OAS3: variants seen among roughly 807,000 people sequenced by gnomAD.
The protein encoded by OAS3 is 2'-5'-oligoadenylate synthase 3.
In OAS3, 107 loss-of-function variants were observed where a neutral mutation model predicts 113.0. The observed-to-expected ratio is 0.95, with a 90% confidence interval of 0.81 to 1.11. The LOEUF (loss-of-function observed/expected upper bound fraction) is 1.11, where lower values mean the gene tolerates loss of function less well. Among genes scored for constraint, OAS3 ranks in the 50% most tolerant of loss-of-function variants. The probability of loss-of-function intolerance (pLI) is 0.00; values close to 1 mark genes in which losing one functional copy is unlikely to be tolerated. For missense variants in OAS3, 1,258 were observed against 1,389.1 expected (o/e 0.91, Z 1.50); for synonymous variants, 552 against 573.6 (o/e 0.96, Z 0.54).
chr12:112,962,292 C>T (rs1179087993), intron 8 of OAS3, among the ~76,000 whole-genome samples: 8 of 152,210 alleles, frequency 5.3e-5, no homozygotes, highest in African/African-American at 1.9e-4. Flanking sequence ...CCTGTACAAC[C>T]ACCCCATGTT....
chr12:112,961,057 T>A lies in OAS3; in HGVS notation c.1658-14T>A, dbSNP rs1164339155. The A allele has an allele frequency of 1.9e-6, 3 of 1,611,836 alleles. No individual in the cohort carries two copies. Among genetic ancestry groups the A allele is most frequent in the Non-Finnish European group, 2.5e-6 (3 of 1,179,070 alleles). ...ATTGGAGTTGCACACTCAGGGTGTTTCAAACTTCTACAGGGCAGCTCAGTT... is the reference window on the plus strand; with the variant it reads ...ATTGGAGTTGCACACTCAGGGTGTTACAAACTTCTACAGGGCAGCTCAGTT... On this transcript the variant is annotated splice_polypyrimidine_tract_variant and intron_variant, in intron 7 of 15. Transcript: ENST00000228928.
At chr12:112,956,116 A>T (rs1390650636) in intron 7 of OAS3, among the ~76,000 whole-genome samples, 1 of 152,092 alleles carries the variant, frequency 6.6e-6, no homozygotes, top group Non-Finnish European at 1.5e-5. Flanking sequence ...TTTCTAGTTT[A>T]TTTGTGTAGA....
chr12:112,947,039 G>A, intron 4 of OAS3, 58 bp downstream of exon 4: 3 of 1,450,428 alleles, frequency 2.1e-6, no homozygotes, highest in Non-Finnish European at 2.9e-6. Context: ...GGAGATAATT[G>A]ACAAGGACAA....
intron 3 of OAS3, 79 bp from the exon 4 acceptor site, chr12:112,946,664 C>G (rs1374200383): frequency 1.5e-6 from 2 of 1,296,546 alleles, no homozygotes; most frequent in Admixed American, 4.1e-5. Flanking sequence ...CTGGAAGGTC[C>G]CCAGTCTGGT....
intron 6 of OAS3, among the ~76,000 whole-genome samples, chr12:112,950,414 C>T (rs774561910): frequency 5.9e-5 from 9 of 152,198 alleles, no homozygotes; most frequent in African/African-American, 9.7e-5. Context: ...GGTCGCTGCC[C>T]CTACTTAATC....
chr12:112,967,723 A>C, intron 13 of OAS3, 130 bp downstream of exon 13: 1 of 1,135,096 alleles, frequency 8.8e-7, no homozygotes, highest in South Asian at 1.6e-5. Flanking sequence ...AAAGAGTGCT[A>C]TATCTCAGCT....
chr12:112,961,138 G>C lies in OAS3; in HGVS notation c.1725G>C (p.Gln575His). 1 of 1,613,340 alleles carries C rather than the reference G, an allele frequency of 6.2e-7. No homozygotes were observed. The highest frequency in any genetic ancestry group is 8.5e-7 in the Non-Finnish European group (1 of 1,179,880). ...VYSRLLTSGC[Q>H]EGEHKACFAE... ...CGAGGCTCCTCACCAGTGGCTGCCAGGAGGGCGAGCATAAGGCCTGCTTCG... is the reference window on the plus strand; with the variant it reads ...CGAGGCTCCTCACCAGTGGCTGCCACGAGGGCGAGCATAAGGCCTGCTTCG... The change falls in exon 8 of 16, where the codon CAG becomes CAC. Residue 575 changes from glutamine (Q) to histidine (H), a missense_variant. Coordinates refer to ENST00000228928, the MANE Select transcript of OAS3 (RefSeq NM_006187.4).
chr12:112,949,036 C>T lies in OAS3; in HGVS notation c.1205C>T (p.Pro402Leu), dbSNP rs562814047. The T allele has an allele frequency of 2.3e-5, 37 of 1,614,032 alleles. No homozygotes were observed. In the Middle Eastern group the frequency reaches 4.9e-4, roughly 22 times the overall value. ...TGAASIVPSVPGMALDLSQIP... is the reference protein window; with the variant it reads ...TGAASIVPSVLGMALDLSQIP... ...GCAGCCAGCATCGTCCCCTCTGTGC[C>T]GGGAATGGCCTTGGACCTGTCTCAG... The change falls in exon 6 of 16, where the codon CCG becomes CTG. Residue 402 changes from proline to leucine, a missense_variant. By Grantham distance (98) the Pro-to-Leu change is moderately conservative. Transcript: ENST00000228928.
intron 4 of OAS3, 111 bp downstream of exon 4, chr12:112,947,092 C>CA: frequency 1.3e-6 from 1 of 754,134 alleles, no homozygotes; most frequent in Non-Finnish European, 2.2e-6. Flanking sequence ...GAGGCCAAAG[C>CA]AAAATGCTAC....
At chr12:112,944,716 A>C (rs976401590) in intron 3 of OAS3, 65 bp downstream of exon 3, 1 of 1,554,576 alleles carries the variant, frequency 6.4e-7, no homozygotes. Flanking sequence ...CATAGTCGTG[A>C]AACTGTTGTC....
At chr12:112,965,692 G>A (rs2240189) in intron 11 of OAS3, 52 bp from the exon 12 acceptor site, 400,350 of 1,541,466 alleles carry the variant, frequency 0.26, 53,531 homozygotes, top group Admixed American at 0.31. Flanking sequence ...GTCCAGAACC[G>A]ACAGGCTAAG....
At chr12:112,962,443 T>C (rs1027632957) in intron 8 of OAS3, among the ~76,000 whole-genome samples, 13 of 152,252 alleles carry the variant, frequency 8.5e-5, no homozygotes, top group African/African-American at 2.7e-4. Flanking sequence ...AAGCCACGTC[T>C]GAGCTCTCAG....
rs751675566 is a variant in OAS3, at chr12:112,941,729, G to T, written c.337G>T (p.Val113Phe). The T allele has an allele frequency of 5.0e-6, 8 of 1,614,048 alleles. No homozygotes were observed. The highest frequency in any genetic ancestry group is 5.9e-6 in the Non-Finnish European group (7 of 1,179,904). Reference protein sequence around the residue: ...ASLESWWQNPVPGLRLTFPEQ... With the variant: ...ASLESWWQNPFPGLRLTFPEQ... Reference sequence around the variant, plus strand: ...GCTGGAATCCTGGTGGCAGAACCCAGTCCCTGGTCTGAGACTCACGTTTCC... The same window carrying T: ...GCTGGAATCCTGGTGGCAGAACCCATTCCCTGGTCTGAGACTCACGTTTCC... The change falls in exon 2 of 16, where the codon GTC becomes TTC. Residue 113 changes from valine (V) to phenylalanine (F), a missense_variant. Transcript: ENST00000228928.
chr12:112,939,354 C>G (rs2043659896), intron 1 of OAS3, among the ~76,000 whole-genome samples: 1 of 134,724 alleles, frequency 7.4e-6, no homozygotes, highest in Admixed American at 8.3e-5. Context: ...GGGTCTCGCT[C>G]TGTCACCCAG....
intron 6 of OAS3, 77 bp downstream of exon 6, chr12:112,949,282 G>A (rs1229278493): frequency 7.5e-7 from 1 of 1,330,778 alleles, no homozygotes; most frequent in Non-Finnish European, 1.0e-6. Flanking sequence ...TTACAGCAAT[G>A]GAGCTGAGGT....
chr12:112,938,676 C>T lies in OAS3; in HGVS notation c.146C>T (p.Ala49Val). Residue 49 changes from alanine (A) to valine (V), a missense_variant, in exon 1 of 16, where the codon GCT becomes GTT. By Grantham distance (64) the Ala-to-Val change is moderately conservative (BLOSUM62 0). Transcript: ENST00000228928. ...ALRERGGRLG[A>V]AAPRVLKTVK... ...AGGGAGCGCGGGGGCCGCCTCGGTG[C>T]TGCTGCCCCGCGGGTGCTGAAAACT... 1 of 1,581,320 alleles carries T rather than the reference C, an allele frequency of 6.3e-7. No individual in the cohort carries two copies. Among genetic ancestry groups the T allele is most frequent in the South Asian group, 1.1e-5 (1 of 87,642 alleles).
At chr12:112,948,196 G>A in intron 5 of OAS3, 97 bp downstream of exon 5, 1 of 1,243,950 alleles carries the variant, frequency 8.0e-7, no homozygotes, top group Non-Finnish European at 1.0e-6. Context: ...TGTGGAACAG[G>A]CTTTAAAAAG....
chr12:112,967,879 C>T, intron 13 of OAS3, 57 bp from the exon 14 acceptor site: 1 of 1,566,104 alleles, frequency 6.4e-7, no homozygotes, highest in Non-Finnish European at 8.7e-7. Context: ...AGAATAATCC[C>T]TTCTGTACCT....
rs2043651566 is a variant in OAS3, at chr12:112,938,651, A to G, written c.121A>G (p.Arg41Gly). The change falls in exon 1 of 16, where the codon AGG becomes GGG. Residue 41 changes from arginine (R) to glycine (G), a missense_variant. By Grantham distance (125) the Arg-to-Gly change is moderately radical (BLOSUM62 -2). Coordinates refer to ENST00000228928, the MANE Select transcript of OAS3 (RefSeq NM_006187.4). ...TCTGGGCGCCCTGGCCGCTGCCCTG[A>G]GGGAGCGCGGGGGCCGCCTCGGTGC... Reference protein sequence around the residue: ...RALGALAAALRERGGRLGAAA... With the variant: ...RALGALAAALGERGGRLGAAA... The G allele has an allele frequency of 1.3e-6, 2 of 1,599,168 alleles. No individual in the cohort carries two copies. Among genetic ancestry groups the G allele is most frequent in the Non-Finnish European group, 1.7e-6 (2 of 1,174,168 alleles).
Sources: gnomAD v4.1 joint callset for allele counts (sites outside exome capture counted in the v4.1 genomes callset) on GRCh38, gnomAD v4.1.1 for gene constraint, MANE v1.5 for transcripts, NCBI Gene and HGNC (gene_info 2026-07-23, HGNC 2026-07-21) for gene names.